ARCN1: variants seen among roughly 807,000 people sequenced by gnomAD.
ARCN1 encodes coatomer subunit delta.
ARCN1 carries 5 observed loss-of-function variants against 60.4 expected under a neutral mutation model. The observed-to-expected ratio is 0.08, with a 90% CI of 0.04 to 0.17. The LOEUF is 0.17. Ranked by LOEUF, ARCN1 falls within the 10% of genes least tolerant of loss-of-function variation. The pLI, the probability that ARCN1 is intolerant of heterozygous loss-of-function variation, is 1.00. For synonymous variants in ARCN1, 224 were observed against 220.0 expected, an observed-to-expected ratio of 1.02 and a Z score of -0.16; for missense variants, 464 against 626.5, an observed-to-expected ratio of 0.74 and a Z score of 2.77.
Position 118,602,363 on chromosome 11 carries a change from C to G in ARCN1, c.*1649C>G, listed in dbSNP as rs1158751759. ...CAGCCAGCTCAGCCTTGGCTTTTAA[C>G]TCAATATTCCAGTCCATAGGGGTGG... is the stretch of plus-strand genomic sequence containing the variant. On this transcript the variant is annotated 3_prime_UTR_variant, in exon 10 of 10. Transcript: ENST00000264028. 1 of 153,874 alleles carries G rather than the reference C, an allele frequency of 6.5e-6. No individual in the cohort carries two copies. The highest frequency in any genetic ancestry group is 1.9e-4 in the East Asian group (1 of 5,206). The allele number at this position is 153,874 out of a possible 1,614,324, so 9.5% of individuals were successfully genotyped here. A position where few individuals can be genotyped will look rare whatever the true frequency, so the allele number is the denominator to read the frequency against.
chr11:118,584,055 A>G (rs1555075104), intron 4 of ARCN1, 41 bp downstream of exon 4: 2 of 1,556,490 alleles, frequency 1.3e-6, no homozygotes, highest in Non-Finnish European at 1.8e-6. Flanking sequence ...TGAAGGGTGT[A>G]TATGTGTCTA....
In ARCN1 at chr11:118,594,420, A is replaced by G. The variant is rs567312807; in HGVS notation, c.1241+722A>G. On this transcript the variant is annotated intron_variant, in intron 8 of 9. Coordinates refer to ENST00000264028, the MANE Select transcript of ARCN1 (RefSeq NM_001655.5). ...CAGCCAAGAATTGCTCTGTGACTTGATTGTGGTGGTGCTTACTGCATACAC... is the reference window on the plus strand; with the variant it reads ...CAGCCAAGAATTGCTCTGTGACTTGGTTGTGGTGGTGCTTACTGCATACAC... 2.0e-5 allele frequency among the ~76,000 whole-genome samples: 3 copies of G among 151,412 alleles called. No individual in the cohort carries two copies. In the East Asian group the frequency reaches 6.0e-4, roughly 30 times the overall value.
intron 2 of ARCN1, among the ~76,000 whole-genome samples, chr11:118,582,895 G>A (rs1466409311): frequency 6.6e-6 from 1 of 151,644 alleles, no homozygotes; most frequent in African/African-American, 2.4e-5. Flanking sequence ...ACAAAAATTA[G>A]CTGGGCGTGG....
chr11:118,579,411 CCT>C (rs1450700301), intron 1 of ARCN1, among the ~76,000 whole-genome samples: 3 of 152,024 alleles, frequency 2.0e-5, no homozygotes, highest in Non-Finnish European at 4.4e-5. Context: ...GTGGCTCATG[CCT>C]GTAATCTCAG....
chr11:118,577,528 A>T (rs1443900293), intron 1 of ARCN1, among the ~76,000 whole-genome samples: 1 of 152,146 alleles, frequency 6.6e-6, no homozygotes, highest in Non-Finnish European at 1.5e-5. Context: ...TTAAGGCATG[A>T]GCCACCGCTC....
chr11:118,580,408 C>T (rs1248136613), intron 1 of ARCN1, among the ~76,000 whole-genome samples: 1 of 152,154 alleles, frequency 6.6e-6, no homozygotes, highest in Non-Finnish European at 1.5e-5. Context: ...ACATGCAAAA[C>T]TAGCGTAGTT....
chr11:118,572,709 G>C (rs1249340206), intron 1 of ARCN1, 159 bp downstream of exon 1: 9 of 784,104 alleles, frequency 1.1e-5, no homozygotes, highest in South Asian at 4.0e-5. Context: ...CCTGTGCCCG[G>C]TCTCCTGGAG....
At chr11:118,594,234 G>C (rs1310862250) in intron 8 of ARCN1, 1 of 152,900 alleles carries the variant, frequency 6.5e-6, no homozygotes. Context: ...CGAGTAGCTG[G>C]GACTACAGGC....
In ARCN1 at chr11:118,600,724, G is replaced by C; in HGVS notation, c.*10G>C. On this transcript the variant is annotated 3_prime_UTR_variant, in exon 10 of 10. Transcript: ENST00000264028. ...GTATGAAATTCTGTAATACCAAGAA[G>C]AGGGAGCTGAAAAGGAAAATTTTCA... The C allele has an allele frequency of 2.2e-5, 35 of 1,576,884 alleles. No individual in the cohort carries two copies. The highest frequency in any genetic ancestry group is 2.8e-5 in the Non-Finnish European group (32 of 1,161,032).
intron 1 of ARCN1, among the ~76,000 whole-genome samples, chr11:118,580,778 C>T (rs549338008): frequency 1.3e-5 from 2 of 152,226 alleles, no homozygotes; most frequent in African/African-American, 2.4e-5. Context: ...TCGCTTTGGC[C>T]TCCCAAAGTG....
intron 1 of ARCN1, chr11:118,572,771 A>C (rs2135525052): frequency 4.2e-6 from 2 of 473,032 alleles, no homozygotes; most frequent in South Asian, 4.0e-5. Flanking sequence ...CTTCCGCACC[A>C]CCCCCCAACC....
chr11:118,578,870 CTCTCTTT>C (rs1201049659), intron 1 of ARCN1, among the ~76,000 whole-genome samples: 1,814 of 86,882 alleles, frequency 0.021, 30 homozygotes, highest in South Asian at 0.074. Context: ...AAAACCCCGT[CTCTCTTT>C]TTTTTTTTTT....
Position 118,583,860 on chromosome 11 carries a change from C to A in ARCN1, c.499C>A (p.Gln167Lys), listed in dbSNP as rs782518843. The change falls in exon 4 of 10, where the codon CAA (glutamine) becomes AAA (lysine). Residue 167 changes from glutamine (Q) to lysine (K), a missense_variant. Gln to Lys is a moderately conservative substitution (Grantham distance 53). Around this residue, in one of 2 missense-constraint regions of ARCN1, gnomAD observed 359 missense variants for 440.2 expected, o/e 0.82. Transcript: ENST00000264028. ...GATGCGTCGTAAAGCAAAGGAATTA[C>A]AACAGGCCCGAAGAGATGCAGAGAG... ...AEMRRKAKEL[Q>K]QARRDAERQG... 6.2e-7 allele frequency: 1 copy of A among 1,614,042 alleles called. No homozygotes were observed. The highest frequency in any genetic ancestry group is 1.3e-5 in the African/African-American group (1 of 74,914).
At chr11:118,592,505 T>A (rs553121146) in intron 6 of ARCN1, among the ~76,000 whole-genome samples, 30 of 152,322 alleles carry the variant, frequency 2.0e-4, no homozygotes, top group South Asian at 8.3e-4. Flanking sequence ...AGCTTTTTTT[T>A]TAAAAAATTA....
chr11:118,585,690 C>T (rs1423440386), intron 5 of ARCN1, among the ~76,000 whole-genome samples: 1 of 152,066 alleles, frequency 6.6e-6, no homozygotes, highest in Admixed American at 6.6e-5. Context: ...CAGGCATGCA[C>T]CACCACGCTG....
In ARCN1 at chr11:118,600,607, C is replaced by G. The variant is rs782770888; in HGVS notation, c.1447-18C>G. ...CTCAAACCTCCTGCTTTACCTTACT[C>G]TTTGTTTATTTTCCTAGGTTACCAA... On this transcript the variant is annotated intron_variant, in intron 9 of 9. Coordinates refer to ENST00000264028, the MANE Select transcript of ARCN1 (RefSeq NM_001655.5). 6.3e-7 allele frequency: 1 copy of G among 1,589,014 alleles called. No homozygotes were observed. The highest frequency in any genetic ancestry group is 8.6e-7 in the Non-Finnish European group (1 of 1,162,700).
At chr11:118,586,398 A>G (rs1938780190) in intron 5 of ARCN1, among the ~76,000 whole-genome samples, 2 of 152,178 alleles carry the variant, frequency 1.3e-5, no homozygotes, top group South Asian at 2.1e-4. Flanking sequence ...TGCCCAGCCA[A>G]GTATTTACTC....
At chr11:118,576,365 T>A (rs909557292) in intron 1 of ARCN1, among the ~76,000 whole-genome samples, 6 of 137,732 alleles carry the variant, frequency 4.4e-5, no homozygotes, top group Non-Finnish European at 9.1e-5. Context: ...TTCACATCTG[T>A]AAGACAATCA....
rs1555078080 is a variant in ARCN1 at position 118,601,286 on chromosome 11, T to C, written c.*572T>C. 2.7e-6 allele frequency: 1 copy of C among 376,800 alleles called. No individual in the cohort carries two copies. Among genetic ancestry groups the C allele is most frequent in the Non-Finnish European group, 5.0e-6 (1 of 198,864 alleles). The allele number at this position is 376,800 out of a possible 1,614,324, so 23.3% of individuals were successfully genotyped here. A position where few individuals can be genotyped will look rare whatever the true frequency, so the allele number is the denominator to read the frequency against. On this transcript the variant is annotated 3_prime_UTR_variant, in exon 10 of 10. Transcript: ENST00000264028. Reference sequence around the variant, plus strand: ...CGTGTTGCCCAGGCTGGTCGCGAACTCCTGAGCTCAGGCAATCCGCCCACC... The same window carrying C: ...CGTGTTGCCCAGGCTGGTCGCGAACCCCTGAGCTCAGGCAATCCGCCCACC...
Sources: gnomAD v4.1 joint callset for allele counts (sites outside exome capture counted in the v4.1 genomes callset) on GRCh38, gnomAD v4.1.1 for gene constraint, gnomAD v4.1.1 regional missense constraint, MANE v1.5 for transcripts, NCBI Gene and HGNC (gene_info 2026-07-23, HGNC 2026-07-21) for gene names.